FAT3: variants seen among roughly 807,000 people sequenced by gnomAD.
The protein encoded by FAT3 is FAT atypical cadherin 3.
A neutral mutation model predicts 310.2 loss-of-function variants in FAT3; 95 were observed. The ratio of observed to expected loss-of-function variants is 0.31; its 90% confidence interval spans 0.26 to 0.36. FAT3 has a LOEUF of 0.36. Ranked by LOEUF, FAT3 falls within the 10% of genes least tolerant of loss-of-function variation. The pLI is 1.00. For synonymous variants in FAT3, 2,314 were observed against 2,192.9 expected (o/e 1.06, Z -1.54); for missense variants, 5,408 against 5,715.6 (o/e 0.95, Z 1.74).
intron 6 of FAT3, among the ~76,000 whole-genome samples, chr11:92,768,438 A>G (rs1946375729): frequency 6.6e-6 from 1 of 152,234 alleles, no homozygotes; most frequent in South Asian, 2.1e-4. Context: ...GATATGGTCC[A>G]CGTTCCACCA....
At chr11:92,666,254 T>A (rs1432946037) in intron 3 of FAT3, among the ~76,000 whole-genome samples, 1 of 152,212 alleles carries the variant, frequency 6.6e-6, no homozygotes, top group African/African-American at 2.4e-5. Flanking sequence ...ATTTGATGAT[T>A]TAATTGATAA....
intron 19 of FAT3, among the ~76,000 whole-genome samples, chr11:92,853,335 G>A (rs1211378330): frequency 2.6e-5 from 4 of 152,214 alleles, no homozygotes; most frequent in East Asian, 1.9e-4. Context: ...ACTTGCATCC[G>A]GACATGCAGA....
At chr11:92,755,885 T>C (rs1035047518) in intron 4 of FAT3, among the ~76,000 whole-genome samples, 1 of 152,184 alleles carries the variant, frequency 6.6e-6, no homozygotes, top group African/African-American at 2.4e-5. Context: ...ATCTCCCAGT[T>C]TGCCTAAAAA....
chr11:92,567,957 G>A (rs1262646806), intron 3 of FAT3, among the ~76,000 whole-genome samples: 1 of 151,784 alleles, frequency 6.6e-6, no homozygotes, highest in African/African-American at 2.4e-5. Context: ...TGAGCTAGTG[G>A]GTGCAGTGCA....
intron 27 of FAT3, 22 bp from the exon 28 acceptor site, chr11:92,890,469 T>C (rs1265716485): frequency 8.2e-6 from 13 of 1,590,290 alleles, no homozygotes; most frequent in Non-Finnish European, 1.1e-5. Flanking sequence ...GGAAATTAAC[T>C]GTCATGGTTT....
rs374952944 is a variant in FAT3, at chr11:92,797,994, G to T, written c.4981G>T (p.Val1661Phe). The T allele has an allele frequency of 4.3e-6, 7 of 1,613,818 alleles. No individual in the cohort carries two copies. The South Asian group carries it at 7.7e-5, about 18-fold the overall frequency. Residue 1661 changes from valine (V) to phenylalanine (F), a missense_variant, in exon 10 of 28, where the codon GTC (valine) becomes TTC (phenylalanine). Coordinates refer to ENST00000525166, the MANE Select transcript of FAT3 (RefSeq NM_001367949.2). ...MSATAIVRISVTMSDNSHPKF... is the reference protein window; with the variant it reads ...MSATAIVRISFTMSDNSHPKF... ...TGCTACTGCAATTGTGCGCATTTCC[G>T]TCACCATGTCTGACAATTCTCACCC...
intron 3 of FAT3, among the ~76,000 whole-genome samples, chr11:92,616,216 C>A (rs1055540003): frequency 2.0e-5 from 3 of 152,160 alleles, no homozygotes; most frequent in African/African-American, 4.8e-5. Flanking sequence ...GAATTGATCC[C>A]TTTACCATTA....
intron 2 of FAT3, among the ~76,000 whole-genome samples, chr11:92,462,490 A>T (rs972398131): frequency 6.6e-6 from 1 of 152,210 alleles, no homozygotes; most frequent in African/African-American, 2.4e-5. Context: ...AAGAAATTTT[A>T]TCTAAAGTTT....
At chr11:92,789,042 T>G (rs1946971384) in intron 7 of FAT3, among the ~76,000 whole-genome samples, 1 of 152,164 alleles carries the variant, frequency 6.6e-6, no homozygotes. Flanking sequence ...CAAAACATAC[T>G]TAAAAAACAA....
chr11:92,553,881 C>A (rs982887918), intron 3 of FAT3, among the ~76,000 whole-genome samples: 8 of 151,820 alleles, frequency 5.3e-5, no homozygotes, highest in African/African-American at 1.9e-4. Context: ...TTTCGGCTCA[C>A]TGCAAGCTCT....
rs150306099 is a variant in FAT3 at position 92,769,139 on chromosome 11, G to C, written c.4195+4050G>C. Among the ~76,000 whole-genome samples, 2 of 152,168 alleles carry C rather than the reference G, an allele frequency of 1.3e-5. 1 individual carries two copies. Among genetic ancestry groups the C allele is most frequent in the South Asian group, 4.2e-4 (2 of 4,814 alleles). The stretch of plus-strand genomic sequence containing the variant: ...TGTTCCAAGCCTGGACCCTTGCATC[G>C]AGGATCTGTCACACACTTTCTTGTG... On this transcript the variant is annotated intron_variant, in intron 6 of 27. Coordinates refer to ENST00000525166, the MANE Select transcript of FAT3 (RefSeq NM_001367949.2).
At chr11:92,665,438 A>C (rs1036908057) in intron 3 of FAT3, among the ~76,000 whole-genome samples, 4 of 152,226 alleles carry the variant, frequency 2.6e-5, no homozygotes, top group Non-Finnish European at 4.4e-5. Context: ...TAATTAATAA[A>C]AGAGAGAAGA....
At chr11:92,327,065 GT>G (rs1947786757) in intron 1 of FAT3, among the ~76,000 whole-genome samples, 3 of 151,990 alleles carry the variant, frequency 2.0e-5, no homozygotes, top group African/African-American at 7.3e-5. Flanking sequence ...TGCAGTATAG[GT>G]GCATTTTAAA....
chr11:92,859,810 C>A (rs1226488845), intron 21 of FAT3, among the ~76,000 whole-genome samples: 1 of 152,152 alleles, frequency 6.6e-6, no homozygotes, highest in African/African-American at 2.4e-5. Flanking sequence ...ATTTCCTAGC[C>A]TCAGAAATGC....
At position 92,513,593 on chromosome 11, in the gene FAT3, A is replaced by G. The variant is rs193275954; in HGVS notation, c.3293-11041A>G. On this transcript the variant is annotated intron_variant, in intron 2 of 27. Coordinates refer to ENST00000525166, the MANE Select transcript of FAT3 (RefSeq NM_001367949.2). ...GTAAACAGTGCAGGGAACTCTCTAT[A>G]TATTTCTTTGCACCTTCCTATGAAT... is the stretch of plus-strand genomic sequence containing the variant. 3.7e-3 allele frequency among the ~76,000 whole-genome samples: 562 copies of G among 152,300 alleles called. 1 individual carries two copies. The highest frequency in any genetic ancestry group is 5.0e-3 in the Non-Finnish European group (343 of 68,016).
intron 2 of FAT3, among the ~76,000 whole-genome samples, chr11:92,490,373 CTG>C (rs1259900777): frequency 6.6e-6 from 1 of 152,100 alleles, no homozygotes; most frequent in Non-Finnish European, 1.5e-5. Context: ...TTATTACAAA[CTG>C]GATTTGAGTC....
In FAT3 at chr11:92,237,768, A is replaced by G. The variant is rs147563929; in HGVS notation, c.-18+12594A>G. On this transcript the variant is annotated intron_variant, in intron 1 of 27. Coordinates refer to ENST00000525166, the MANE Select transcript of FAT3 (RefSeq NM_001367949.2). ...CAGTGAATACTGGTCCAATGAATGA[A>G]TGAGATATTGTAGATTTTGGATGGT... Among the ~76,000 whole-genome samples, 15 of 152,226 alleles carry G rather than the reference A, an allele frequency of 9.9e-5. No individual in the cohort carries two copies. The East Asian group carries it at 2.9e-3, about 29-fold the overall frequency.
At chr11:92,629,384 T>C (rs1006265809) in intron 3 of FAT3, among the ~76,000 whole-genome samples, 3 of 151,668 alleles carry the variant, frequency 2.0e-5, no homozygotes, top group African/African-American at 2.4e-5. Flanking sequence ...TCTTCTCTGT[T>C]GGCACTATTA....
Position 92,352,330 on chromosome 11 carries a change from T to G in FAT3, c.218T>G (p.Ile73Arg), listed in dbSNP as rs1157416362. 6.4e-7 allele frequency: 1 copy of G among 1,565,686 alleles called. No individual in the cohort carries two copies. The highest frequency in any genetic ancestry group is 1.7e-5 in the Admixed American group (1 of 58,526). ...CAGAGTAGAATGGGCATCACCTTAA[T>G]AGATCTATCCTGGGATATCAAATAC... The part of the protein sequence containing the change: ...NSQSRMGITL[I>R]DLSWDIKYRI... The change falls in exon 2 of 28, where the codon ATA becomes AGA. Residue 73 changes from isoleucine (I) to arginine (R), a missense_variant. Physicochemically the swap from Ile to Arg is moderately conservative, Grantham distance 97. Coordinates refer to ENST00000525166, the MANE Select transcript of FAT3 (RefSeq NM_001367949.2).
Sources: allele counts gnomAD v4.1 joint callset (sites outside exome capture counted in the v4.1 genomes callset), GRCh38; gene constraint gnomAD v4.1.1; transcripts MANE v1.5; gene names NCBI Gene and HGNC (gene_info 2026-07-23, HGNC 2026-07-21).